The following KLHL1 variants were observed in gnomAD, a reference collection of about 807,000 sequenced individuals.
The protein encoded by KLHL1 is kelch-like protein 1.
In KLHL1, 47 loss-of-function variants were observed where a neutral mutation model predicts 77.7. The ratio of observed to expected loss-of-function variants is 0.60; its 90% CI spans 0.48 to 0.77. The LOEUF is 0.77. Among genes scored for constraint, KLHL1 ranks in the 30% least tolerant of loss-of-function variants. The pLI, the probability that KLHL1 is intolerant of heterozygous loss-of-function variation, is 0.00. For missense variants in KLHL1, 925 were observed against 910.8 expected, an observed-to-expected ratio of 1.02 and a Z score of -0.20; for synonymous variants, 360 against 325.2, an observed-to-expected ratio of 1.11 and a Z score of -1.15.
chr13:70,005,886 C>T (rs181544914), intron 1 of KLHL1, among the ~76,000 whole-genome samples: 1 of 152,078 alleles, frequency 6.6e-6, no homozygotes, highest in Admixed American at 6.6e-5. Context: ...GAGATCTACT[C>T]TCTTTAGCAA....
In KLHL1 at chr13:69,740,468, C is replaced by G. The variant is rs764424474; in HGVS notation, c.1728G>C (p.Gln576His). Residue 576 changes from glutamine to histidine, a missense_variant, in exon 8 of 11, where the codon CAG (glutamine) becomes CAC (histidine). Coordinates refer to ENST00000377844, the MANE Select transcript of KLHL1 (RefSeq NM_020866.3). ...TGGCTACAAATGTCCATTGTTGACT[C>G]TGTGGATCCCACCTTTCCACTGTAT... The part of the protein sequence containing the change: ...YLNTVERWDP[Q>H]SQQWTFVASM... 6.2e-7 allele frequency: 1 copy of G among 1,613,278 alleles called. No individual in the cohort carries two copies. Among genetic ancestry groups the G allele is most frequent in the Non-Finnish European group, 8.5e-7 (1 of 1,179,400 alleles).
chr13:69,765,477 A>T (rs929247937), intron 7 of KLHL1, among the ~76,000 whole-genome samples: 22 of 152,108 alleles, frequency 1.4e-4, no homozygotes, highest in Non-Finnish European at 5.9e-5. Flanking sequence ...CAAACTTAAA[A>T]TTGTTTTATA....
At chr13:70,022,438 A>G (rs926868124) in intron 1 of KLHL1, among the ~76,000 whole-genome samples, 4 of 151,884 alleles carry the variant, frequency 2.6e-5, no homozygotes, top group African/African-American at 9.7e-5. Flanking sequence ...TATACAAAAC[A>G]CATCAAAATA....
chr13:70,035,773 A>G (rs986812871), intron 1 of KLHL1, among the ~76,000 whole-genome samples: 1 of 152,006 alleles, frequency 6.6e-6, no homozygotes, highest in Admixed American at 6.6e-5. Context: ...GAGAGAATCA[A>G]ATGAGAGTAT....
intron 4 of KLHL1, among the ~76,000 whole-genome samples, chr13:69,939,498 G>A (rs1245691225): frequency 1.3e-5 from 2 of 151,228 alleles, no homozygotes; most frequent in Admixed American, 1.3e-4. Flanking sequence ...GTGACGGAGA[G>A]GTTTAAAAAA....
intron 1 of KLHL1, among the ~76,000 whole-genome samples, chr13:70,019,699 G>T (rs1885742431): frequency 6.6e-6 from 1 of 152,134 alleles, no homozygotes; most frequent in Non-Finnish European, 1.5e-5. Context: ...GTTTATAAAT[G>T]ATAGTGGTGT....
At chr13:70,070,173 A>G (rs1014302148) in intron 1 of KLHL1, among the ~76,000 whole-genome samples, 12 of 151,938 alleles carry the variant, frequency 7.9e-5, no homozygotes, top group Non-Finnish European at 1.6e-4. Flanking sequence ...AAGAAGCAGA[A>G]GAAATAATTA....
intron 1 of KLHL1, among the ~76,000 whole-genome samples, chr13:70,001,518 G>A (rs1192827695): frequency 1.3e-5 from 2 of 151,136 alleles, no homozygotes; most frequent in African/African-American, 4.8e-5. Context: ...CTTATTCCAA[G>A]TATGATTTAT....
intron 1 of KLHL1, among the ~76,000 whole-genome samples, chr13:70,097,947 T>C (rs1487703058): frequency 6.6e-6 from 1 of 151,720 alleles, no homozygotes; most frequent in East Asian, 1.9e-4. Flanking sequence ...GTCAGATTAT[T>C]AAATAATATT....
chr13:69,711,394 C>T (rs73210445), intron 9 of KLHL1, among the ~76,000 whole-genome samples: 59 of 152,100 alleles, frequency 3.9e-4, no homozygotes, highest in Non-Finnish European at 7.7e-4. Context: ...AAGAATGGCA[C>T]ATAGATTTCA....
At chr13:70,029,853 C>A (rs1222617622) in intron 1 of KLHL1, among the ~76,000 whole-genome samples, 1 of 152,040 alleles carries the variant, frequency 6.6e-6, no homozygotes, top group Non-Finnish European at 1.5e-5. Context: ...TTCATGAGAC[C>A]CATCTCATGT....
intron 7 of KLHL1, among the ~76,000 whole-genome samples, chr13:69,768,234 T>G (rs74090448): frequency 0.026 from 3,996 of 152,276 alleles, 176 homozygotes; most frequent in African/African-American, 0.09. Context: ...AAAACTTGCA[T>G]TTTTTCTAGA....
chr13:69,839,244 G>C (rs1468034814), intron 5 of KLHL1, 82 bp from the exon 6 acceptor site: 1 of 946,806 alleles, frequency 1.1e-6, no homozygotes, highest in Non-Finnish European at 1.6e-6. Flanking sequence ...GAAGTTTAAT[G>C]TCTGTGATAT....
chr13:69,799,970 C>A (rs1390408435), intron 6 of KLHL1, among the ~76,000 whole-genome samples: 7 of 152,136 alleles, frequency 4.6e-5, no homozygotes, highest in Admixed American at 1.3e-4. Context: ...GTTGATCATA[C>A]CATATGAGAA....
At chr13:70,013,345 A>ATGGCTAC (rs1885583337) in intron 1 of KLHL1, among the ~76,000 whole-genome samples, 1 of 152,222 alleles carries the variant, frequency 6.6e-6, no homozygotes, top group Non-Finnish European at 1.5e-5. Flanking sequence ...GATATATTAC[A>ATGGCTAC]TGGCTACTCT....
intron 9 of KLHL1, among the ~76,000 whole-genome samples, chr13:69,710,509 C>T (rs1875825241): frequency 6.6e-6 from 1 of 151,902 alleles, no homozygotes; most frequent in African/African-American, 2.4e-5. Context: ...GACATAGACA[C>T]ACTCAGATAT....
chr13:69,773,145 A>G (rs1875655946), intron 7 of KLHL1, among the ~76,000 whole-genome samples: 1 of 141,948 alleles, frequency 7.0e-6, no homozygotes, highest in Non-Finnish European at 1.6e-5. Context: ...TTGTACATGC[A>G]TAATAGATAT....
At chr13:70,075,093 A>G (rs926963046) in intron 1 of KLHL1, among the ~76,000 whole-genome samples, 3 of 152,084 alleles carry the variant, frequency 2.0e-5, no homozygotes. Flanking sequence ...TAACATGTTT[A>G]TGTACATGGG....
At chr13:69,976,596 T>C (rs1326274365) in intron 1 of KLHL1, among the ~76,000 whole-genome samples, 1 of 152,050 alleles carries the variant, frequency 6.6e-6, no homozygotes, top group African/African-American at 2.4e-5. Flanking sequence ...TCAAGTGTTC[T>C]GATGACAATT....
Sources: allele counts gnomAD v4.1 joint callset (sites outside exome capture counted in the v4.1 genomes callset), GRCh38; gene constraint gnomAD v4.1.1; transcripts MANE v1.5; gene names NCBI Gene and HGNC (gene_info 2026-07-23, HGNC 2026-07-21).